The following GAREM2 variants were observed in gnomAD, a reference collection of about 807,000 sequenced individuals.
The protein encoded by GAREM2 is GRB2 associated regulator of MAPK1 subtype 2, also known as GRB2-associated and regulator of MAPK protein 2.
Under a neutral mutation model 55.6 loss-of-function variants are expected in GAREM2, and 30 were observed. That is an observed-to-expected ratio of 0.54 (90% CI 0.40 to 0.73). The LOEUF (loss-of-function observed/expected upper bound fraction) is 0.73. GAREM2 is among the 30% of genes least tolerant of loss of function. GAREM2 has a pLI of 0.00. For synonymous variants in GAREM2, 550 were observed against 569.1 expected (o/e 0.97, Z 0.48); for missense variants, 1,075 against 1,257.7 (o/e 0.85, Z 2.20).
Position 26,184,955 on chromosome 2 carries a change from C to G in GAREM2, c.1107C>G (p.Ala369=). The G allele has an allele frequency of 7.9e-7, 1 of 1,259,940 alleles. No individual in the cohort carries two copies. The allele number at this position is 1,259,940 out of a possible 1,614,324, so 78.0% of individuals were successfully genotyped here. The change falls in exon 4 of 6, where the codon GCC becomes GCG. Residue 369 remains alanine (A), a synonymous_variant. Transcript: ENST00000401533. ...TGCGCGAGGCGCCAGCGGAGCTCGC[C>G]GAAGACTGCGCCAGCCCGCGCCGCG... ...TAVREAPAEL[A]EDCASPRRAR...
At chr2:26,178,864 G>A (rs1323163690) in intron 2 of GAREM2, among the ~76,000 whole-genome samples, 3 of 152,032 alleles carry the variant, frequency 2.0e-5, no homozygotes, top group African/African-American at 4.8e-5. Flanking sequence ...GGCTGCTTCT[G>A]TCCGCCCGCA....
intron 2 of GAREM2, among the ~76,000 whole-genome samples, chr2:26,177,873 C>T (rs574061066): frequency 2.0e-5 from 3 of 152,280 alleles, no homozygotes; most frequent in South Asian, 2.1e-4. Flanking sequence ...GTGATCCGGC[C>T]GCCTTGGCCT....
the GAREM2 span, chr2:26,201,134 C>T: frequency 1.4e-5 from 23 of 1,595,272 alleles, no homozygotes; most frequent in Admixed American, 1.7e-4. Context: ...TCAAGTACAA[C>T]AGCCCCTTGC....
chr2:26,191,097 G>A (rs1574599770), downstream of GAREM2: 2 of 731,170 alleles, frequency 2.7e-6, no homozygotes, highest in East Asian at 2.7e-5. Flanking sequence ...AGGGAGAGAT[G>A]GTCTTGGCTG....
chr2:26,176,381 G>C lies in GAREM2; in HGVS notation c.150G>C (p.Leu50=). Residue 50 remains leucine (L), a synonymous_variant, in exon 2 of 6, where the codon CTG becomes CTC. Coordinates refer to ENST00000401533, the MANE Select transcript of GAREM2 (RefSeq NM_001168241.2). ...YAEGVSERDI[L]LIHSCRQWTT... is the part of the protein sequence containing the mutation. The stretch of plus-strand genomic sequence containing the variant: ...AGGGCGTCAGTGAGCGAGACATCCT[G>C]CTCATCCACTCCTGCCGGCAGTGGA... 6.5e-7 allele frequency: 1 copy of C among 1,549,178 alleles called. No homozygotes were observed. The highest frequency in any genetic ancestry group is 8.7e-7 in the Non-Finnish European group (1 of 1,145,658).
chr2:26,176,538 G>T lies in GAREM2; in HGVS notation c.253+54G>T, dbSNP rs1574585166. 5 of 1,417,946 alleles carry T rather than the reference G, an allele frequency of 3.5e-6. No homozygotes were observed. In the East Asian group the frequency reaches 1.4e-4, roughly 40 times the overall value. The allele number at this position is 1,417,946 out of a possible 1,614,324, so 87.8% of individuals were successfully genotyped here. On this transcript the variant is annotated intron_variant, in intron 2 of 5. Coordinates refer to ENST00000401533, the MANE Select transcript of GAREM2 (RefSeq NM_001168241.2). ...AGCCTGTAGGGGGGTGTAGGCAGGA[G>T]GGACTGGGGCCAGGGGTAGGGGGAA...
chr2:26,202,935 C>T, the GAREM2 span, among the ~76,000 whole-genome samples: 3 of 152,158 alleles, frequency 2.0e-5, no homozygotes, highest in Non-Finnish European at 4.4e-5. Flanking sequence ...GTGTGGTGAG[C>T]GGCACTCGCC....
chr2:26,192,136 T>C (rs530306608), downstream of GAREM2, among the ~76,000 whole-genome samples: 3 of 151,268 alleles, frequency 2.0e-5, no homozygotes, highest in East Asian at 1.9e-4. Context: ...GGTATGGTGG[T>C]CACAAAGAAA....
Position 26,188,242 on chromosome 2 carries a change from G to A in GAREM2, c.2610G>A (p.Trp870Ter). The stretch of plus-strand genomic sequence containing the variant: ...AGATCATGCAGTTCATCAAAGGCTG[G>A]AGGCCCAAGATCTGAACTGCCCAGC... The part of the protein sequence containing the change: ...VKKIMQFIKG[W>*]RPKI The change falls in exon 6 of 6, where the codon TGG (tryptophan) becomes TGA (stop). Residue 870 changes from tryptophan to a stop codon, truncating the protein, a stop_gained. Transcript: ENST00000401533. LOFTEE classifies it high-confidence loss of function. 1 of 1,483,202 alleles carries A rather than the reference G, an allele frequency of 6.7e-7. No individual in the cohort carries two copies. Among genetic ancestry groups the A allele is most frequent in the Non-Finnish European group, 9.0e-7 (1 of 1,106,278 alleles). 91.9% of individuals were successfully genotyped at this position (1,483,202 alleles called of 1,614,324 possible).
Position 26,177,718 on chromosome 2 carries a change from C to T in GAREM2, c.253+1234C>T, listed in dbSNP as rs118021843. ...AGGCGCCATCTTGGCTCACTGCCTC[C>T]GAGGTTCAAGGGATTCTCCTGCCTC... is the stretch of plus-strand genomic sequence containing the variant. On this transcript the variant is annotated intron_variant, in intron 2 of 5. Coordinates refer to ENST00000401533, the MANE Select transcript of GAREM2 (RefSeq NM_001168241.2). 2.3e-4 allele frequency among the ~76,000 whole-genome samples: 35 copies of T among 152,180 alleles called. No homozygotes were observed. In the East Asian group the frequency reaches 4.3e-3, roughly 18 times the overall value.
At chr2:26,182,655 A>G (rs1669090178) in intron 2 of GAREM2, among the ~76,000 whole-genome samples, 2 of 152,228 alleles carry the variant, frequency 1.3e-5, no homozygotes, top group Non-Finnish European at 2.9e-5. Flanking sequence ...AGCTGTGTCC[A>G]CATGTTTGGG....
Position 26,185,236 on chromosome 2 carries a change from C to A in GAREM2, c.1388C>A (p.Pro463Gln). ...GCCGCGGGACCGCCGCGTCGGGAGCCGGAAGCGCCGCCGCCTCCAGTCCCT... is the reference window on the plus strand; with the variant it reads ...GCCGCGGGACCGCCGCGTCGGGAGCAGGAAGCGCCGCCGCCTCCAGTCCCT... ...FGAAGPPRRE[P>Q]EAPPPPVPPK... Residue 463 changes from proline to glutamine, a missense_variant, in exon 4 of 6, where the codon CCG becomes CAG. This residue lies in a region of GAREM2 where 515 missense variants were observed against 501.5 expected (regional missense o/e 1.03). Transcript: ENST00000401533. The A allele has an allele frequency of 6.6e-7, 1 of 1,521,500 alleles. No homozygotes were observed. Among genetic ancestry groups the A allele is most frequent in the Non-Finnish European group, 8.8e-7 (1 of 1,141,410 alleles). 94.2% of individuals were successfully genotyped at this position (1,521,500 alleles called of 1,614,324 possible). A position where few individuals can be genotyped will look rare whatever the true frequency, so the allele number is the denominator to read the frequency against.
intron 2 of GAREM2, among the ~76,000 whole-genome samples, chr2:26,180,414 C>G (rs942843918): frequency 6.6e-6 from 1 of 152,232 alleles, no homozygotes; most frequent in Admixed American, 6.5e-5. Context: ...CCTGAGCCAT[C>G]TCACTTGCCT....
At position 26,186,307 on chromosome 2, in the gene GAREM2, T is replaced by C; in HGVS notation, c.1547T>C (p.Val516Ala). 2 of 1,551,562 alleles carry C rather than the reference T, an allele frequency of 1.3e-6. No homozygotes were observed. The highest frequency in any genetic ancestry group is 1.7e-6 in the Non-Finnish European group (2 of 1,146,930). Reference sequence around the variant, plus strand: ...CCTCGCTTCCCCAAGCTGCAGCCGGTACATTCCCCCAGCTCCAGCCTCTCC... The same window carrying C: ...CCTCGCTTCCCCAAGCTGCAGCCGGCACATTCCCCCAGCTCCAGCCTCTCC... ...VPPRFPKLQP[V>A]HSPSSSLSYY... Residue 516 changes from valine (V) to alanine (A), a missense_variant, in exon 5 of 6, where the codon GTA (valine) becomes GCA (alanine). Physicochemically the swap from Val to Ala is moderately conservative, Grantham distance 64. This residue lies in a region of GAREM2 where 515 missense variants were observed against 501.5 expected (regional missense o/e 1.03). Transcript: ENST00000401533.
the GAREM2 span, chr2:26,197,689 ACCTTC>A: frequency 7.4e-7 from 1 of 1,343,886 alleles, no homozygotes; most frequent in Non-Finnish European, 1.1e-6. Context: ...TTCCGAGTTT[ACCTTC>A]TCAGGTCTTT....
chr2:26,198,032 G>A, the GAREM2 span, among the ~76,000 whole-genome samples: 18 of 152,076 alleles, frequency 1.2e-4, no homozygotes, highest in African/African-American at 4.1e-4. Flanking sequence ...ATCCTGACCT[G>A]GAGACTACAT....
In GAREM2 at chr2:26,185,336, C is replaced by T. The variant is rs1669214498; in HGVS notation, c.1428+60C>T. 4 of 1,432,686 alleles carry T rather than the reference C, an allele frequency of 2.8e-6. No individual in the cohort carries two copies. The Admixed American group carries it at 1.1e-4, about 40-fold the overall frequency. The allele number at this position is 1,432,686 out of a possible 1,614,324, so 88.7% of individuals were successfully genotyped here. A position where few individuals can be genotyped will look rare whatever the true frequency, so the allele number is the denominator to read the frequency against. On this transcript the variant is annotated intron_variant, in intron 4 of 5. Transcript: ENST00000401533. ...CAGCCAGGGCCCAAAGCCCGTTCTC[C>T]TGGGCCCCGGCCCCGGAGTATGTGG... is the stretch of plus-strand genomic sequence containing the variant.
chr2:26,181,338 TAC>T (rs1400042019), intron 2 of GAREM2: 1 of 158,570 alleles, frequency 6.3e-6, no homozygotes, highest in Admixed American at 6.5e-5. Context: ...TGTCTGTGTT[TAC>T]AGTGTTTCTT....
At chr2:26,191,096 T>C, downstream of GAREM2, 2 of 724,044 alleles carry the variant, frequency 2.8e-6, no homozygotes, top group Non-Finnish European at 4.9e-6. Context: ...GAGGGAGAGA[T>C]GGTCTTGGCT....
Sources: gnomAD v4.1 joint callset for allele counts (sites outside exome capture counted in the v4.1 genomes callset) on GRCh38, gnomAD v4.1.1 for gene constraint, gnomAD v4.1.1 regional missense constraint, MANE v1.5 for transcripts, NCBI Gene and HGNC (gene_info 2026-07-23, HGNC 2026-07-21) for gene names.